Variants in FANCL observed in about 807,000 individuals in gnomAD.
FANCL encodes FA complementation group L.
FANCL carries 69 observed loss-of-function variants against 59.4 expected under a neutral mutation model. The ratio of observed to expected loss-of-function variants is 1.16; its 90% CI spans 0.96 to 1.42. The LOEUF (loss-of-function observed/expected upper bound fraction) is 1.42. Among genes scored for constraint, FANCL ranks in the 40% most tolerant of loss-of-function variants. FANCL has a pLI of 0.00. For missense variants in FANCL, 519 were observed against 447.2 expected (o/e 1.16, Z -1.45); for synonymous variants, 180 against 147.1 (o/e 1.22, Z -1.62).
chr2:58,231,990 C>A, intron 2 of FANCL, 64 bp downstream of exon 2: 1 of 1,348,750 alleles, frequency 7.4e-7, no homozygotes, highest in South Asian at 1.2e-5. Context: ...TCAATTTATA[C>A]CAAATGTACT....
At chr2:58,202,501 C>T (rs1031009774) in intron 6 of FANCL, among the ~76,000 whole-genome samples, 3 of 151,322 alleles carry the variant, frequency 2.0e-5, no homozygotes, top group South Asian at 2.1e-4. Context: ...CAGTTACATG[C>T]TTTTGTTTTT....
chr2:58,215,442 T>C (rs1006885687), intron 5 of FANCL, among the ~76,000 whole-genome samples: 7 of 152,174 alleles, frequency 4.6e-5, no homozygotes, highest in African/African-American at 1.7e-4. Context: ...CTAAATGGAA[T>C]AGCTTGCTAA....
chr2:58,171,074 T>A (rs1444220200), intron 7 of FANCL, among the ~76,000 whole-genome samples: 1 of 152,170 alleles, frequency 6.6e-6, no homozygotes, highest in African/African-American at 2.4e-5. Context: ...AAAACATACA[T>A]TCCTCTCAGC....
intron 8 of FANCL, 29 bp downstream of exon 8, chr2:58,165,695 A>T: frequency 6.2e-7 from 1 of 1,613,862 alleles, no homozygotes; most frequent in Non-Finnish European, 8.5e-7. Context: ...AACACCTAAA[A>T]ACAAACCCTT....
At chr2:58,233,265 G>A (rs1397895348) in intron 1 of FANCL, among the ~76,000 whole-genome samples, 1 of 151,986 alleles carries the variant, frequency 6.6e-6, no homozygotes, top group Non-Finnish European at 1.5e-5. Flanking sequence ...ATAGAAATCT[G>A]TGCTGTTATC....
intron 7 of FANCL, among the ~76,000 whole-genome samples, chr2:58,172,172 G>A (rs564011391): frequency 7.2e-5 from 11 of 152,326 alleles, no homozygotes; most frequent in Middle Eastern, 3.4e-3. Context: ...CTGGGGACAC[G>A]GCACAGACAA....
intron 5 of FANCL, among the ~76,000 whole-genome samples, chr2:58,217,207 TATATATATAC>T (rs1409514854): frequency 8.7e-3 from 93 of 10,674 alleles, no homozygotes; most frequent in South Asian, 0.044. Context: ...TATATATATA[TATATATATAC>T]ACACACACAC....
In FANCL at chr2:58,159,317, C is replaced by CAAACT. The variant is rs768039421; in HGVS notation, c.*443_*447dup. On this transcript the variant is annotated 3_prime_UTR_variant, in exon 14 of 14. Coordinates refer to ENST00000233741, the MANE Select transcript of FANCL (RefSeq NM_018062.4). ...AAATACTTGGATAACTCACGTCTAACAAACTAAACTATATATGTATTTTTT... is the reference window on the plus strand; with the variant it reads ...AAATACTTGGATAACTCACGTCTAACAAACTAAACTAAACTATATATGTATTTTTT... 1.3e-6 allele frequency: 2 copies of CAAACT among 1,515,500 alleles called. No individual in the cohort carries two copies. Among genetic ancestry groups the CAAACT allele is most frequent in the South Asian group, 1.3e-5 (1 of 77,756 alleles). The allele number at this position is 1,515,500 out of a possible 1,614,324, so 93.9% of individuals were successfully genotyped here. A position where few individuals can be genotyped will look rare whatever the true frequency, so the allele number is the denominator to read the frequency against.
rs1227447560 is a variant in FANCL, at chr2:58,161,729, CATGTATACAG to C, written c.904-101_904-92del. On this transcript the variant is annotated intron_variant, in intron 11 of 13. Transcript: ENST00000233741. The stretch of plus-strand genomic sequence containing the variant: ...GGAGGGTATGTGTGATATTTTGATA[CATGTATACAG>C]TGTTTAATGATGACATCAGGATAAT... 3.8e-6 allele frequency: 3 copies of C among 791,520 alleles called. No homozygotes were observed. The East Asian group carries it at 8.0e-5, about 21-fold the overall frequency. The allele number at this position is 791,520 out of a possible 1,614,324, so 49.0% of individuals were successfully genotyped here.
intron 7 of FANCL, among the ~76,000 whole-genome samples, chr2:58,169,883 T>C (rs924397132): frequency 2.0e-5 from 3 of 152,018 alleles, no homozygotes; most frequent in Non-Finnish European, 4.4e-5. Context: ...GAACAAAGCC[T>C]CCAAGAAATA....
chr2:58,191,942 T>C (rs2105048453), intron 7 of FANCL, among the ~76,000 whole-genome samples: 1 of 152,010 alleles, frequency 6.6e-6, no homozygotes, highest in East Asian at 1.9e-4. Flanking sequence ...AAATAAGTAA[T>C]TTACACAAGG....
chr2:58,169,174 G>A (rs1436014646), intron 7 of FANCL, among the ~76,000 whole-genome samples: 1 of 152,180 alleles, frequency 6.6e-6, no homozygotes, highest in Non-Finnish European at 1.5e-5. Flanking sequence ...GCATCTGGAG[G>A]ATGGCCCTCT....
At chr2:58,176,299 C>CA (rs1435723928) in intron 7 of FANCL, among the ~76,000 whole-genome samples, 3 of 151,996 alleles carry the variant, frequency 2.0e-5, no homozygotes, top group African/African-American at 7.2e-5. Flanking sequence ...CATATGGAAC[C>CA]AAAAAAGAGC....
At chr2:58,186,315 A>T (rs1178345354) in intron 7 of FANCL, among the ~76,000 whole-genome samples, 2 of 152,156 alleles carry the variant, frequency 1.3e-5, no homozygotes, top group African/African-American at 4.8e-5. Context: ...TATGATTGGT[A>T]TATTTGGACC....
At chr2:58,221,624 T>C (rs1039355537) in intron 5 of FANCL, among the ~76,000 whole-genome samples, 4 of 152,200 alleles carry the variant, frequency 2.6e-5, no homozygotes, top group African/African-American at 9.7e-5. Context: ...GTCTCTTTCA[T>C]GTGTCTCAGC....
chr2:58,161,629 T>A lies in FANCL; in HGVS notation c.913A>T (p.Met305Leu), dbSNP rs553742734. The change falls in exon 12 of 14, where the codon ATG becomes TTG. Residue 305 changes from methionine to leucine, a missense_variant. By Grantham distance (15) the Met-to-Leu change is conservative. Coordinates refer to ENST00000233741, the MANE Select transcript of FANCL (RefSeq NM_018062.4). ...RAILEKSDFT[M>L]DCGICYAYQL... ...TAAGCATAACAAATTCCACAATCCA[T>A]AGTAAAATCCTTCAAAAGAAAAATA... 18 of 1,607,056 alleles carry A rather than the reference T, an allele frequency of 1.1e-5. No individual in the cohort carries two copies. In the Admixed American group the frequency reaches 2.2e-4, roughly 19 times the overall value.
chr2:58,197,941 T>C (rs560116451), intron 7 of FANCL, among the ~76,000 whole-genome samples: 2 of 152,236 alleles, frequency 1.3e-5, no homozygotes, highest in African/African-American at 4.8e-5. Flanking sequence ...ACAGAGTTCT[T>C]TGGAATTTAA....
chr2:58,217,211 TATATAC>T (rs1386145896), intron 5 of FANCL, among the ~76,000 whole-genome samples: 22 of 9,138 alleles, frequency 2.4e-3, no homozygotes, highest in South Asian at 0.011. Flanking sequence ...TATATATATA[TATATAC>T]ACACACACAC....
chr2:58,185,323 T>C (rs1688295231), intron 7 of FANCL, among the ~76,000 whole-genome samples: 1 of 152,156 alleles, frequency 6.6e-6, no homozygotes, highest in Admixed American at 6.6e-5. Flanking sequence ...CCCTGACTGT[T>C]CCGTATACGG....
Sources: allele counts gnomAD v4.1 joint callset (sites outside exome capture counted in the v4.1 genomes callset), GRCh38; gene constraint gnomAD v4.1.1; transcripts MANE v1.5; gene names NCBI Gene and HGNC (gene_info 2026-07-23, HGNC 2026-07-21).